ITGA1: variants seen among roughly 807,000 people sequenced by gnomAD.
The protein encoded by ITGA1 is integrin alpha-1.
Under a neutral mutation model 145.9 loss-of-function variants are expected in ITGA1, and 85 were observed. That is an observed-to-expected ratio of 0.58 (90% confidence interval 0.49 to 0.70). ITGA1 has a LOEUF of 0.70. Among genes scored for constraint, ITGA1 ranks in the 30% least tolerant of loss-of-function variants. ITGA1 has a pLI of 0.00. For missense variants in ITGA1, 1,351 were observed against 1,418.7 expected, an observed-to-expected ratio of 0.95 and a Z score of 0.77; for synonymous variants, 520 against 495.3, an observed-to-expected ratio of 1.05 and a Z score of -0.66.
chr5:52,791,039 A>C (rs1038387548), intron 1 of ITGA1, among the ~76,000 whole-genome samples: 2 of 152,158 alleles, frequency 1.3e-5, no homozygotes, highest in Admixed American at 1.3e-4. Context: ...ACAACAAGCC[A>C]CCAGCATCCC....
rs886389810 is a variant in ITGA1 at position 52,900,059 on chromosome 5, C to T, written c.1309+1676C>T. Among the ~76,000 whole-genome samples the T allele has an allele frequency of 3.3e-5, 5 of 152,254 alleles. 1 individual carries two copies. In the South Asian group the frequency reaches 1.0e-3, roughly 32 times the overall value. Reference sequence around the variant, plus strand: ...GATAGATGGGGCAGGTCAGTTCCTACACTGATAAACCTTACTTTTTTGGGT... The same window carrying T: ...GATAGATGGGGCAGGTCAGTTCCTATACTGATAAACCTTACTTTTTTGGGT... On this transcript the variant is annotated intron_variant, in intron 11 of 28. Transcript: ENST00000282588.
intron 6 of ITGA1, among the ~76,000 whole-genome samples, chr5:52,876,754 A>G (rs1242655534): frequency 6.6e-6 from 1 of 152,178 alleles, no homozygotes; most frequent in East Asian, 1.9e-4. Context: ...GTTAGGATGT[A>G]CTTGGGAAGA....
chr5:52,845,807 A>G (rs907110650), intron 1 of ITGA1, among the ~76,000 whole-genome samples: 1 of 152,318 alleles, frequency 6.6e-6, no homozygotes, highest in East Asian at 1.9e-4. Context: ...CTGCTGCAGA[A>G]GTATTATTTT....
At chr5:52,950,386 C>T (rs10940282) in intron 28 of ITGA1, among the ~76,000 whole-genome samples, 83,240 of 151,986 alleles carry the variant, frequency 0.55, 23,129 homozygotes, top group Middle Eastern at 0.61. Flanking sequence ...GTCTTTTATA[C>T]ATTAGTATGA....
intron 9 of ITGA1, among the ~76,000 whole-genome samples, chr5:52,896,501 T>C (rs1750228331): frequency 6.6e-6 from 1 of 152,206 alleles, no homozygotes; most frequent in Non-Finnish European, 1.5e-5. Context: ...AGGTAATTAC[T>C]GATGTATTTG....
At chr5:52,939,047 C>T (rs184871798) in intron 24 of ITGA1, among the ~76,000 whole-genome samples, 13 of 152,110 alleles carry the variant, frequency 8.5e-5, no homozygotes, top group Non-Finnish European at 1.8e-4. Flanking sequence ...GGACTACAGG[C>T]GCCTGCCACC....
At chr5:52,854,769 CAA>C (rs949525402) in intron 2 of ITGA1, among the ~76,000 whole-genome samples, 3 of 152,118 alleles carry the variant, frequency 2.0e-5, no homozygotes, top group African/African-American at 7.2e-5. Context: ...GGCATAATAA[CAA>C]GATAACTATT....
intron 15 of ITGA1, 62 bp from the exon 16 acceptor site, chr5:52,918,670 C>A: frequency 6.5e-7 from 1 of 1,540,214 alleles, no homozygotes; most frequent in East Asian, 2.3e-5. Context: ...TTTGCACTCC[C>A]AAGTTGATGA....
chr5:52,822,252 G>T (rs1206018844), intron 1 of ITGA1, among the ~76,000 whole-genome samples: 5 of 152,220 alleles, frequency 3.3e-5, no homozygotes, highest in Non-Finnish European at 5.9e-5. Flanking sequence ...TCAAGGCTCA[G>T]AGGAGACAAA....
chr5:52,905,180 T>G (rs1750380498), intron 11 of ITGA1: 1 of 152,164 alleles, frequency 6.6e-6, no homozygotes, highest in Non-Finnish European at 1.5e-5. Context: ...AGGGACAAAT[T>G]TAAATGCTCC....
chr5:52,803,960 C>T (rs1030886929), intron 1 of ITGA1: 11 of 152,292 alleles, frequency 7.2e-5, no homozygotes, highest in African/African-American at 2.4e-4. Flanking sequence ...ACTGGCCATA[C>T]TCAACTGTCT....
chr5:52,895,252 C>T (rs149934930), intron 9 of ITGA1, among the ~76,000 whole-genome samples: 264 of 152,246 alleles, frequency 1.7e-3, no homozygotes, highest in African/African-American at 6.1e-3. Flanking sequence ...GCCTCTTTCC[C>T]CTGTGCCTTT....
chr5:52,838,288 A>T (rs1749195351), intron 1 of ITGA1, among the ~76,000 whole-genome samples: 1 of 152,202 alleles, frequency 6.6e-6, no homozygotes, highest in South Asian at 2.1e-4. Flanking sequence ...TGAGAAAAAT[A>T]GTCTATTACA....
In ITGA1 at chr5:52,864,469, C is replaced by T. The variant is rs111272247; in HGVS notation, c.296-294C>T. ...CAGTATTATGAGATTAAAAACTTTG[C>T]TTTAATTAGCAAGAACGTGCAAAAA... is the stretch of plus-strand genomic sequence containing the variant. On this transcript the variant is annotated intron_variant, in intron 3 of 28. Transcript: ENST00000282588. Among the ~76,000 whole-genome samples the T allele has an allele frequency of 4.5e-3, 684 of 152,258 alleles. 3 individuals are homozygous for T. Among genetic ancestry groups the T allele is most frequent in the African/African-American group, 0.015 (633 of 41,548 alleles).
chr5:52,945,018 A>T lies in ITGA1; in HGVS notation c.3361A>T (p.Ser1121Cys), dbSNP rs1751113623. ...SENASLVLSS[S>C]NQKRELAIQI... is the part of the protein sequence containing the mutation. ...AAATGCATCTCTGGTTTTAAGTAGC[A>T]GCAATCAAAAAAGAGAGGTAAGTGC... Residue 1121 changes from serine (S) to cysteine (C), a missense_variant, in exon 27 of 29, where the codon AGC (serine) becomes TGC (cysteine). Coordinates refer to ENST00000282588, the MANE Select transcript of ITGA1 (RefSeq NM_181501.2). 5 of 1,612,508 alleles carry T rather than the reference A, an allele frequency of 3.1e-6. No homozygotes were observed. The highest frequency in any genetic ancestry group is 4.2e-6 in the Non-Finnish European group (5 of 1,179,028).
At position 52,957,072 on chromosome 5, in the gene ITGA1, G is replaced by A. The variant is rs1204921511; in HGVS notation, c.*4621G>A. On this transcript the variant is annotated 3_prime_UTR_variant, in exon 29 of 29. Coordinates refer to ENST00000282588, the MANE Select transcript of ITGA1 (RefSeq NM_181501.2). ...GGGTTAAACTGTAACATTGTAATCG[G>A]ACGAACAAATCAGCATCTTTGATCC... The A allele has an allele frequency of 6.6e-6, 1 of 152,176 alleles. No homozygotes were observed. Among genetic ancestry groups the A allele is most frequent in the Non-Finnish European group, 1.5e-5 (1 of 68,032 alleles). The allele number at this position is 152,176 out of a possible 1,614,324, so 9.4% of individuals were successfully genotyped here.
At chr5:52,820,835 A>C (rs1748867985) in intron 1 of ITGA1, among the ~76,000 whole-genome samples, 1 of 152,154 alleles carries the variant, frequency 6.6e-6, no homozygotes, top group African/African-American at 2.4e-5. Flanking sequence ...TAACAAGAGC[A>C]TATGCTGGGA....
In ITGA1 at chr5:52,820,158, T is replaced by C. The variant is rs1312698952; in HGVS notation, c.62-29207T>C. 3.3e-5 allele frequency among the ~76,000 whole-genome samples: 5 copies of C among 152,118 alleles called. No individual in the cohort carries two copies. The East Asian group carries it at 7.7e-4, about 24-fold the overall frequency. ...ATTTTTGGTTCCATATGAACTTTAA[T>C]GTGGCACATATACACCATGGAATAC... On this transcript the variant is annotated intron_variant, in intron 1 of 28. Transcript: ENST00000282588.
At position 52,905,597 on chromosome 5, in the gene ITGA1, A is replaced by T. The variant is rs182637136; in HGVS notation, c.1310-166A>T. The T allele has an allele frequency of 2.8e-4, 139 of 495,188 alleles. No homozygotes were observed. In the East Asian group the frequency reaches 4.4e-3, roughly 16 times the overall value. The allele number at this position is 495,188 out of a possible 1,614,324, so 30.7% of individuals were successfully genotyped here. A position where few individuals can be genotyped will look rare whatever the true frequency, so the allele number is the denominator to read the frequency against. ...AGTTGTGGTAGATAGAGAGCATATT[A>T]AAAGCTTCCACCAAAACAAATTCTT... On this transcript the variant is annotated intron_variant, in intron 11 of 28. Coordinates refer to ENST00000282588, the MANE Select transcript of ITGA1 (RefSeq NM_181501.2).
Sources: allele counts gnomAD v4.1 joint callset (sites outside exome capture counted in the v4.1 genomes callset), GRCh38; gene constraint gnomAD v4.1.1; transcripts MANE v1.5; gene names NCBI Gene and HGNC (gene_info 2026-07-23, HGNC 2026-07-21).